KRAS: variants seen among roughly 807,000 people sequenced by gnomAD.
The protein encoded by KRAS is GTPase KRas.
In KRAS, 1 loss-of-function variant was observed where a neutral mutation model predicts 21.0. That is an observed-to-expected ratio of 0.05 (90% confidence interval 0.02 to 0.23). KRAS has a LOEUF of 0.23. Among genes scored for constraint, KRAS ranks in the 10% least tolerant of loss-of-function variants. KRAS has a pLI of 1.00. For synonymous variants in KRAS, 67 were observed against 72.5 expected (o/e 0.92, Z 0.39); for missense variants, 107 against 221.8 (o/e 0.48, Z 3.29).
chr12:25,217,756 T>G (rs1951272113), intron 4 of KRAS, among the ~76,000 whole-genome samples: 1 of 152,100 alleles, frequency 6.6e-6, no homozygotes, highest in African/African-American at 2.4e-5. Flanking sequence ...AAATTAGGCA[T>G]GTTGGCATGA....
intron 4 of KRAS, among the ~76,000 whole-genome samples, chr12:25,216,087 T>C (rs148415696): frequency 6.6e-6 from 1 of 152,162 alleles, no homozygotes; most frequent in Non-Finnish European, 1.5e-5. Flanking sequence ...GAACCTTGAG[T>C]TTTATCTTAA....
chr12:25,236,402 C>T (rs1459391228), intron 2 of KRAS, among the ~76,000 whole-genome samples: 1 of 152,122 alleles, frequency 6.6e-6, no homozygotes, highest in Non-Finnish European at 1.5e-5. Context: ...TAAGCCTCAG[C>T]GACAAGGGGC....
chr12:25,238,923 T>C (rs1441843568), intron 2 of KRAS, among the ~76,000 whole-genome samples: 2 of 152,216 alleles, frequency 1.3e-5, no homozygotes, highest in Non-Finnish European at 2.9e-5. Flanking sequence ...TTTCAAGAAG[T>C]TGAATTACCT....
At chr12:25,225,284 C>CTTTA (rs1177789436) in intron 4 of KRAS, 112 of 6,410 alleles carry the variant, frequency 0.017, 6 homozygotes, top group African/African-American at 0.029. Flanking sequence ...TTGCCCTGTT[C>CTTTA]TTTATATATA....
At chr12:25,233,205 C>T (rs1196922420) in intron 2 of KRAS, among the ~76,000 whole-genome samples, 1 of 152,098 alleles carries the variant, frequency 6.6e-6, no homozygotes, top group Non-Finnish European at 1.5e-5. Context: ...GGTATCCCTG[C>T]TGTTAATCTC....
At chr12:25,212,315 GA>G (rs1951207476) in intron 4 of KRAS, among the ~76,000 whole-genome samples, 1 of 152,192 alleles carries the variant, frequency 6.6e-6, no homozygotes, top group African/African-American at 2.4e-5. Context: ...TGGACACAGA[GA>G]AGACACATTT....
Position 25,209,000 on chromosome 12 carries a change from T to G in KRAS, c.*795A>C. 2.8e-6 allele frequency: 1 copy of G among 355,530 alleles called. No homozygotes were observed. Among genetic ancestry groups the G allele is most frequent in the Non-Finnish European group, 5.0e-6 (1 of 200,228 alleles). 22.0% of individuals were successfully genotyped at this position (355,530 alleles called of 1,614,324 possible). On this transcript the variant is annotated 3_prime_UTR_variant, in exon 5 of 5. Transcript: ENST00000311936. The stretch of plus-strand genomic sequence containing the variant: ...TTTATACTTGTTAAAATCTTTTCAA[T>G]TATTATAAAAATTTAGTAGCATGTA...
chr12:25,248,066 G>C (rs1951707995), intron 1 of KRAS, among the ~76,000 whole-genome samples: 1 of 151,214 alleles, frequency 6.6e-6, no homozygotes, highest in South Asian at 2.1e-4. Flanking sequence ...TCACTATGTT[G>C]AGTACGCTGG....
intron 2 of KRAS, among the ~76,000 whole-genome samples, chr12:25,241,322 A>G (rs1951607436): frequency 1.3e-5 from 2 of 152,202 alleles, no homozygotes; most frequent in South Asian, 4.1e-4. Flanking sequence ...AAACTACACA[A>G]ACTTAGGATT....
intron 4 of KRAS, among the ~76,000 whole-genome samples, chr12:25,218,913 T>G (rs904048280): frequency 9.1e-6 from 1 of 109,936 alleles, no homozygotes; most frequent in South Asian, 4.1e-4. Context: ...TTTGTGGGGG[T>G]TTTTTGTTTT....
chr12:25,220,326 C>T (rs911394033), intron 4 of KRAS, among the ~76,000 whole-genome samples: 1 of 152,188 alleles, frequency 6.6e-6, no homozygotes, highest in Non-Finnish European at 1.5e-5. Context: ...CAGATATGGA[C>T]TGAACTGAGT....
At chr12:25,225,821 T>C (rs767725550) in intron 3 of KRAS, 48 bp from the exon 4 acceptor site, 1 of 1,562,314 alleles carries the variant, frequency 6.4e-7, no homozygotes, top group South Asian at 1.1e-5. Context: ...AACACAAATA[T>C]CTTTCAAAAC....
In KRAS at chr12:25,206,246, T is replaced by G. The variant is rs1429336772; in HGVS notation, c.*3549A>C. The G allele has an allele frequency of 2.4e-5, 5 of 212,304 alleles. No homozygotes were observed. The highest frequency in any genetic ancestry group is 9.5e-6 in the Non-Finnish European group (1 of 104,892). 13.2% of individuals were successfully genotyped at this position (212,304 alleles called of 1,614,324 possible). A position where few individuals can be genotyped will look rare whatever the true frequency, so the allele number is the denominator to read the frequency against. On this transcript the variant is annotated 3_prime_UTR_variant, in exon 5 of 5. Coordinates refer to ENST00000311936, the MANE Select transcript of KRAS (RefSeq NM_004985.5). ...AACAGTTTTGATAACCTATAAAAGT[T>G]AGGTTCTAAATTCCTATGCAGTGTG...
chr12:25,214,884 G>A (rs1228816971), intron 4 of KRAS, among the ~76,000 whole-genome samples: 1 of 152,112 alleles, frequency 6.6e-6, no homozygotes, highest in South Asian at 2.1e-4. Context: ...GAGGGCGGTA[G>A]GAGTCATCCT....
chr12:25,209,375 C>T lies in KRAS; in HGVS notation c.*420G>A, dbSNP rs1276380820. On this transcript the variant is annotated 3_prime_UTR_variant, in exon 5 of 5. Transcript: ENST00000311936. ...GTTCCCTCAATGTTTCAGTAAAAACCAATTAGAAGGTCTCAACTGAAATTA... is the reference window on the plus strand; with the variant it reads ...GTTCCCTCAATGTTTCAGTAAAAACTAATTAGAAGGTCTCAACTGAAATTA... 2 of 686,100 alleles carry T rather than the reference C, an allele frequency of 2.9e-6. No homozygotes were observed. Among genetic ancestry groups the T allele is most frequent in the Non-Finnish European group, 4.5e-6 (2 of 447,684 alleles). 42.5% of individuals were successfully genotyped at this position (686,100 alleles called of 1,614,324 possible).
At chr12:25,245,103 G>A (rs1489663247) in intron 2 of KRAS, among the ~76,000 whole-genome samples, 171 bp downstream of exon 2, 3 of 152,170 alleles carry the variant, frequency 2.0e-5, no homozygotes, top group Non-Finnish European at 4.4e-5. Context: ...GGAAAGTAAA[G>A]TTCCCATATT....
At chr12:25,223,829 T>C (rs1303418627) in intron 4 of KRAS, among the ~76,000 whole-genome samples, 2 of 152,154 alleles carry the variant, frequency 1.3e-5, no homozygotes, top group Non-Finnish European at 2.9e-5. Context: ...CTCCTAGCAT[T>C]ACAGAAGTTA....
At chr12:25,232,768 T>C (rs534845165) in intron 2 of KRAS, among the ~76,000 whole-genome samples, 3 of 152,274 alleles carry the variant, frequency 2.0e-5, no homozygotes, top group East Asian at 1.9e-4. Context: ...ATTTTTTCCA[T>C]CTACATAGTA....
chr12:25,227,468 A>C, intron 2 of KRAS, 56 bp from the exon 3 acceptor site: 6 of 1,532,902 alleles, frequency 3.9e-6, no homozygotes, highest in Non-Finnish European at 5.4e-6. Context: ...ACTTCAAAAA[A>C]GGTGTTATAT....
Sources: allele counts gnomAD v4.1 joint callset (sites outside exome capture counted in the v4.1 genomes callset), GRCh38; gene constraint gnomAD v4.1.1; transcripts MANE v1.5; gene names NCBI Gene and HGNC (gene_info 2026-07-23, HGNC 2026-07-21).